Variants in DBT observed in about 807,000 individuals in gnomAD.
DBT encodes the protein lipoamide acyltransferase component of branched-chain alpha-keto acid dehydrogenase complex, mitochondrial.
A neutral mutation model predicts 51.3 loss-of-function variants in DBT; 40 were observed. The ratio of observed to expected loss-of-function variants is 0.78; its 90% CI spans 0.61 to 1.02. The LOEUF (loss-of-function observed/expected upper bound fraction) is 1.02. Ranked by LOEUF, DBT falls within the 50% of genes least tolerant of loss-of-function variation. The pLI, the probability that DBT is intolerant of heterozygous loss-of-function variation, is 0.00. For missense variants in DBT, 510 were observed against 580.2 expected, an observed-to-expected ratio of 0.88 and a Z score of 1.24; for synonymous variants, 181 against 190.4, an observed-to-expected ratio of 0.95 and a Z score of 0.41.
At chr1:100,205,156 G>C (rs965066962) in intron 10 of DBT, among the ~76,000 whole-genome samples, 1 of 152,140 alleles carries the variant, frequency 6.6e-6, no homozygotes, top group Admixed American at 6.5e-5. Context: ...ACTATCATCA[G>C]AGAGAACAGG....
intron 3 of DBT, among the ~76,000 whole-genome samples, chr1:100,233,669 G>A (rs996419843): frequency 1.3e-5 from 2 of 152,172 alleles, no homozygotes; most frequent in African/African-American, 2.4e-5. Context: ...TGCCACAAGA[G>A]TACACGGAAC....
chr1:100,227,627 G>A (rs1355005508), intron 4 of DBT, among the ~76,000 whole-genome samples: 2 of 152,092 alleles, frequency 1.3e-5, no homozygotes, highest in Non-Finnish European at 2.9e-5. Flanking sequence ...GGTTACAAAA[G>A]GGGAAAACAC....
chr1:100,218,546 T>C (rs764891532), intron 5 of DBT, 80 bp downstream of exon 5: 116 of 1,486,862 alleles, frequency 7.8e-5, no homozygotes, highest in Non-Finnish European at 1.1e-4. Context: ...TATTTCATCA[T>C]GGGATAGTTG....
rs372706498 is a variant in DBT, at chr1:100,241,744, C to T, written c.52-860G>A. 1.0e-3 allele frequency among the ~76,000 whole-genome samples: 156 copies of T among 152,164 alleles called. 1 individual carries two copies. The highest frequency in any genetic ancestry group is 3.5e-3 in the African/African-American group (144 of 41,534). On this transcript the variant is annotated intron_variant, in intron 1 of 10. Transcript: ENST00000370132. ...AATATTTCAATGCCATTAGGCCAGG[C>T]GCGGTGGCTCACGCCTGTAATCCCA... is the stretch of plus-strand genomic sequence containing the variant.
At chr1:100,224,196 C>A (rs753655959) in intron 4 of DBT, among the ~76,000 whole-genome samples, 1 of 152,124 alleles carries the variant, frequency 6.6e-6, no homozygotes, top group Non-Finnish European at 1.5e-5. Context: ...TAATTTTCCA[C>A]CTGTAAAATG....
chr1:100,234,501 T>C (rs1663736958), intron 3 of DBT, among the ~76,000 whole-genome samples: 1 of 152,072 alleles, frequency 6.6e-6, no homozygotes, highest in South Asian at 2.1e-4. Context: ...CGAAAATCTT[T>C]AAAGATTTTT....
At chr1:100,218,551 T>C in intron 5 of DBT, 75 bp downstream of exon 5, 1 of 1,516,764 alleles carries the variant, frequency 6.6e-7, no homozygotes, top group South Asian at 1.1e-5. Flanking sequence ...CATCATGGGA[T>C]AGTTGGCTAA....
At chr1:100,225,081 A>G (rs1461126746) in intron 4 of DBT, among the ~76,000 whole-genome samples, 1 of 145,470 alleles carries the variant, frequency 6.9e-6, no homozygotes, top group African/African-American at 2.5e-5. Context: ...ACACACACAC[A>G]CACACACACA....
chr1:100,243,631 A>G (rs1664360516), intron 1 of DBT, among the ~76,000 whole-genome samples: 1 of 152,084 alleles, frequency 6.6e-6, no homozygotes, highest in African/African-American at 2.4e-5. Context: ...CCCAGACATC[A>G]TCTTTACATT....
chr1:100,227,571 A>T (rs1663295194), intron 4 of DBT, among the ~76,000 whole-genome samples: 1 of 152,182 alleles, frequency 6.6e-6, no homozygotes, highest in African/African-American at 2.4e-5. Context: ...TTATATTAGA[A>T]CCTACTTATT....
intron 8 of DBT, among the ~76,000 whole-genome samples, chr1:100,210,352 GAATAAT>G (rs1422612750): frequency 9.8e-6 from 1 of 101,566 alleles, no homozygotes; most frequent in African/African-American, 3.0e-5. Flanking sequence ...AGAAGAATAA[GAATAAT>G]AATATTAAAA....
chr1:100,238,447 C>G (rs1442277729), intron 2 of DBT, among the ~76,000 whole-genome samples: 2 of 151,050 alleles, frequency 1.3e-5, no homozygotes, highest in Non-Finnish European at 3.0e-5. Context: ...CTCCCCTCCC[C>G]TTCCTTCCTT....
rs189862389 is a variant in DBT, at chr1:100,204,356, G to T, written c.1281+1874C>A. 8.5e-5 allele frequency among the ~76,000 whole-genome samples: 13 copies of T among 152,252 alleles called. No homozygotes were observed. The East Asian group carries it at 2.5e-3, about 29-fold the overall frequency. On this transcript the variant is annotated intron_variant, in intron 10 of 10. Transcript: ENST00000370132. ...CATGAGGAAACTCCCATTCACAATT[G>T]CTATAAAGAGAATAAAATACCTAGG...
chr1:100,210,632 T>C, intron 8 of DBT, 62 bp downstream of exon 8: 1 of 1,607,902 alleles, frequency 6.2e-7, no homozygotes, highest in Non-Finnish European at 8.5e-7. Context: ...GTCTCTAATC[T>C]ACAAGCACAT....
chr1:100,213,235 G>A, intron 7 of DBT: 2 of 1,093,896 alleles, frequency 1.8e-6, no homozygotes, highest in South Asian at 2.3e-5. Context: ...AGGGGCCCGA[G>A]CCACCCGGGG....
intron 4 of DBT, 97 bp downstream of exon 4, chr1:100,230,636 A>AG (rs569971231): frequency 4.1e-5 from 32 of 786,184 alleles, no homozygotes; most frequent in Non-Finnish European, 6.0e-5. Flanking sequence ...ATAGAAAAAA[A>AG]AAAAACAAAA....
intron 3 of DBT, 43 bp downstream of exon 3, chr1:100,235,393 T>G (rs761161163): frequency 2.1e-6 from 2 of 958,212 alleles, no homozygotes; most frequent in South Asian, 1.4e-5. Flanking sequence ...TTTACTCAAA[T>G]TATTTTTAAA....
chr1:100,245,624 C>T (rs570281281), intron 1 of DBT, among the ~76,000 whole-genome samples: 4 of 152,232 alleles, frequency 2.6e-5, no homozygotes, highest in Admixed American at 2.0e-4. Context: ...AGTCTTAATG[C>T]AATTATTTGA....
At chr1:100,222,691 A>G (rs1226367427) in intron 4 of DBT, among the ~76,000 whole-genome samples, 1 of 152,230 alleles carries the variant, frequency 6.6e-6, no homozygotes, top group East Asian at 1.9e-4. Context: ...GGTAAATGCA[A>G]TATAATGGCA....
Sources: gnomAD v4.1 joint callset for allele counts (sites outside exome capture counted in the v4.1 genomes callset) on GRCh38, gnomAD v4.1.1 for gene constraint, MANE v1.5 for transcripts, NCBI Gene and HGNC (gene_info 2026-07-23, HGNC 2026-07-21) for gene names.